Variants in DOCK10 observed in about 807,000 individuals in gnomAD.
The protein encoded by DOCK10 is dedicator of cytokinesis 10.
Under a neutral mutation model 280.1 loss-of-function variants are expected in DOCK10, and 145 were observed. That is an observed-to-expected ratio of 0.52 (90% CI 0.45 to 0.59). The LOEUF (loss-of-function observed/expected upper bound fraction) is 0.59. Among genes scored for constraint, DOCK10 ranks in the 20% least tolerant of loss-of-function variants. The pLI is 0.00. For synonymous variants in DOCK10, 915 were observed against 942.2 expected (o/e 0.97, Z 0.53); for missense variants, 2,368 against 2,651.7 (o/e 0.89, Z 2.35).
intron 2 of DOCK10, among the ~76,000 whole-genome samples, chr2:224,928,730 T>C (rs13018710): frequency 0.33 from 50,909 of 152,112 alleles, 8,620 homozygotes; most frequent in Middle Eastern, 0.36. Flanking sequence ...TTAGGTAGCA[T>C]TGAAAATCTC....
At chr2:224,886,395 C>A in intron 5 of DOCK10, 64 bp downstream of exon 5, 1 of 1,534,048 alleles carries the variant, frequency 6.5e-7, no homozygotes, top group Admixed American at 1.8e-5. Flanking sequence ...TCGAAACTTT[C>A]AGTGCAAGAC....
intron 1 of DOCK10, among the ~76,000 whole-genome samples, chr2:224,934,090 T>C (rs957272721): frequency 6.6e-6 from 1 of 152,118 alleles, no homozygotes; most frequent in Non-Finnish European, 1.5e-5. Flanking sequence ...ACCCAAATAA[T>C]GGTCCCTGGT....
chr2:224,836,145 A>T (rs989213440), intron 25 of DOCK10, among the ~76,000 whole-genome samples: 5 of 152,240 alleles, frequency 3.3e-5, no homozygotes, highest in Non-Finnish European at 7.3e-5. Flanking sequence ...TGTAAGATGG[A>T]TCAGTAACTT....
chr2:224,835,457 G>T (rs1695532484), intron 25 of DOCK10, among the ~76,000 whole-genome samples: 1 of 152,234 alleles, frequency 6.6e-6, no homozygotes. Context: ...TTTGCATATT[G>T]TAGACGAAGT....
chr2:224,855,329 C>CA (rs1697052596), intron 15 of DOCK10, among the ~76,000 whole-genome samples: 1 of 151,932 alleles, frequency 6.6e-6, no homozygotes, highest in Non-Finnish European at 1.5e-5. Context: ...TCAGATAACA[C>CA]AAAAATCAAA....
At chr2:224,773,772 C>T (rs1188994098) in intron 52 of DOCK10, among the ~76,000 whole-genome samples, 1 of 152,000 alleles carries the variant, frequency 6.6e-6, no homozygotes, top group African/African-American at 2.4e-5. Context: ...GCTGGGACTA[C>T]AGGTGTGCGC....
intron 55 of DOCK10, among the ~76,000 whole-genome samples, chr2:224,767,590 G>A (rs1263548666): frequency 6.6e-6 from 1 of 152,112 alleles, no homozygotes; most frequent in African/African-American, 2.4e-5. Context: ...AAAGAAGTTT[G>A]CAACCTCCTC....
chr2:224,991,669 CAT>C (rs1374877764), intron 1 of DOCK10, among the ~76,000 whole-genome samples: 11 of 152,242 alleles, frequency 7.2e-5, no homozygotes, highest in Admixed American at 2.6e-4. Context: ...TTCACCAGCC[CAT>C]GAGTCCAGGG....
intron 1 of DOCK10, among the ~76,000 whole-genome samples, chr2:224,943,992 T>C (rs1703250437): frequency 6.6e-6 from 1 of 152,184 alleles, no homozygotes; most frequent in Non-Finnish European, 1.5e-5. Context: ...CTCCATCTCC[T>C]GACCTTGTGA....
At chr2:224,777,685 A>T (rs978482149) in intron 51 of DOCK10, among the ~76,000 whole-genome samples, 1 of 151,848 alleles carries the variant, frequency 6.6e-6, no homozygotes, top group Non-Finnish European at 1.5e-5. Flanking sequence ...CTATTGTGGG[A>T]CTCCACCCTG....
intron 2 of DOCK10, among the ~76,000 whole-genome samples, chr2:224,925,351 G>C (rs1701993491): frequency 6.6e-6 from 1 of 152,144 alleles, no homozygotes; most frequent in South Asian, 2.1e-4. Flanking sequence ...CAAGCCATTG[G>C]TATATTATGA....
chr2:225,001,983 G>GA (rs2126286184), intron 1 of DOCK10, among the ~76,000 whole-genome samples: 1 of 152,314 alleles, frequency 6.6e-6, no homozygotes, highest in East Asian at 1.9e-4. Context: ...AATCTGGGGG[G>GA]AGATGGTAAG....
At position 224,874,710 on chromosome 2, in the gene DOCK10, C is replaced by T; in HGVS notation, c.973G>A (p.Glu325Lys). ...NSVTCECTPE[E>K]TDSSENNLHA... ...AGGTTGTTCTCTGAAGAATCTGTTT[C>T]CTCTGGCGTGCATTCACAAGTTACA... Residue 325 changes from glutamate (E) to lysine (K), a missense_variant, in exon 9 of 56, where the codon GAA becomes AAA. By Grantham distance (56) the Glu-to-Lys change is moderately conservative. This residue lies in a region of DOCK10 where 1,209 missense variants were observed against 1,250.9 expected (regional missense o/e 0.97). Transcript: ENST00000258390. The T allele has an allele frequency of 6.2e-7, 1 of 1,613,948 alleles. No homozygotes were observed. The highest frequency in any genetic ancestry group is 2.2e-5 in the East Asian group (1 of 44,876).
chr2:225,039,429 T>C (rs1690354669), intron 1 of DOCK10, among the ~76,000 whole-genome samples: 1 of 152,208 alleles, frequency 6.6e-6, no homozygotes, highest in African/African-American at 2.4e-5. Flanking sequence ...ATTTCTCCTT[T>C]TGAAATGTAT....
At chr2:224,854,820 A>C in intron 16 of DOCK10, 143 bp downstream of exon 16, 1 of 589,074 alleles carries the variant, frequency 1.7e-6, no homozygotes. Flanking sequence ...CTTTTGGGAA[A>C]AAAAAAACCC....
chr2:224,933,941 AAAG>A (rs1702541007), intron 1 of DOCK10, among the ~76,000 whole-genome samples: 1 of 152,196 alleles, frequency 6.6e-6, no homozygotes, highest in Admixed American at 6.5e-5. Flanking sequence ...AAGATCTTTC[AAAG>A]AAGATCTTTT....
Position 224,874,353 on chromosome 2 carries a change from C to T in DOCK10, c.1018-4G>A, listed in dbSNP as rs751914717. 2.5e-6 allele frequency: 4 copies of T among 1,607,388 alleles called. No individual in the cohort carries two copies. The Admixed American group carries it at 6.7e-5, about 27-fold the overall frequency. On this transcript the variant is annotated splice_polypyrimidine_tract_variant and splice_region_variant and intron_variant, in intron 9 of 55. Transcript: ENST00000258390. Reference sequence around the variant, plus strand: ...TATCTTCTGTTTCTGTGAGGTACTACAGAGAAAATTGTGTTAGTCCTTGGT... The same window carrying T: ...TATCTTCTGTTTCTGTGAGGTACTATAGAGAAAATTGTGTTAGTCCTTGGT...
chr2:224,983,508 G>GA (rs35123622), intron 1 of DOCK10: 145,396 of 199,278 alleles, frequency 0.73, 53,611 homozygotes, highest in African/African-American at 0.88. Flanking sequence ...GAGATTCAAA[G>GA]AAAAAAAAAT....
intron 1 of DOCK10, among the ~76,000 whole-genome samples, chr2:224,933,491 G>T (rs1453206067): frequency 1.3e-5 from 2 of 152,084 alleles, no homozygotes; most frequent in Non-Finnish European, 2.9e-5. Flanking sequence ...ATTACCAACT[G>T]CCCCCACAGG....
Sources: gnomAD v4.1 joint callset for allele counts (sites outside exome capture counted in the v4.1 genomes callset) on GRCh38, gnomAD v4.1.1 for gene constraint, gnomAD v4.1.1 regional missense constraint, MANE v1.5 for transcripts, NCBI Gene and HGNC (gene_info 2026-07-23, HGNC 2026-07-21) for gene names.